The following AGO2 variants were observed in gnomAD, a reference collection of about 807,000 sequenced individuals.
AGO2 encodes the protein protein argonaute-2.
AGO2 carries 5 observed loss-of-function variants against 102.3 expected under a neutral mutation model. The ratio of observed to expected loss-of-function variants is 0.05; its 90% CI spans 0.03 to 0.10. The LOEUF (loss-of-function observed/expected upper bound fraction) is 0.10, where lower values mean the gene tolerates loss of function less well. AGO2 is among the 10% of genes least tolerant of loss of function. AGO2 has a pLI of 1.00. For synonymous variants in AGO2, 449 were observed against 473.1 expected (o/e 0.95, Z 0.66); for missense variants, 541 against 1,183.7 (o/e 0.46, Z 7.97).
In AGO2 at chr8:140,556,149, C is replaced by G; in HGVS notation, c.1146+18G>C. The stretch of plus-strand genomic sequence containing the variant: ...GACTGGATTCCACAGGGCAGCCCTG[C>G]CCGGGACTGACACTCACCAATTTGC... On this transcript the variant is annotated intron_variant, in intron 9 of 18. Transcript: ENST00000220592. 1 of 1,613,962 alleles carries G rather than the reference C, an allele frequency of 6.2e-7. No individual in the cohort carries two copies. Among genetic ancestry groups the G allele is most frequent in the Non-Finnish European group, 8.5e-7 (1 of 1,179,956 alleles).
rs919597458 is a variant in AGO2, at chr8:140,539,752, G to A, written c.2035-298C>T. Among the ~76,000 whole-genome samples, 13 of 152,354 alleles carry A rather than the reference G, an allele frequency of 8.5e-5. No homozygotes were observed. Among genetic ancestry groups the A allele is most frequent in the Admixed American group, 3.9e-4 (6 of 15,306 alleles). ...GCCAGGGATGCAGGCTGGGCTCTGC[G>A]CTGAGAAGGCACATGCAGAGGCCAA... On this transcript the variant is annotated intron_variant, in intron 15 of 18. Transcript: ENST00000220592. The surrounding 1 kb of genome is among the most constrained non-coding windows in gnomAD (Gnocchi z 4.7).
At chr8:140,538,963 G>A (rs1315947828) in intron 16 of AGO2, among the ~76,000 whole-genome samples, 3 of 152,126 alleles carry the variant, frequency 2.0e-5, no homozygotes, top group Non-Finnish European at 2.9e-5. Flanking sequence ...AATTAACCAG[G>A]TGTGGTGGTG....
At chr8:140,546,451 G>A (rs2072902610) in intron 13 of AGO2, among the ~76,000 whole-genome samples, 1 of 152,240 alleles carries the variant, frequency 6.6e-6, no homozygotes, top group Non-Finnish European at 1.5e-5. Context: ...CAGGTGTGAG[G>A]ACACTGTGGT....
chr8:140,600,325 A>C (rs2073913918), intron 1 of AGO2, among the ~76,000 whole-genome samples: 2 of 152,240 alleles, frequency 1.3e-5, no homozygotes, highest in African/African-American at 4.8e-5. Context: ...GCCTTGTGTT[A>C]ACTGTGGCCT....
rs148554700 is a variant in AGO2 at position 140,574,340 on chromosome 8, C to T, written c.216-1408G>A. 3.1e-4 allele frequency among the ~76,000 whole-genome samples: 47 copies of T among 152,266 alleles called. No individual in the cohort carries two copies. The East Asian group carries it at 9.1e-3, about 29-fold the overall frequency. ...ACACTGGCATGATTACTGCTCACTGCAGCCTTGACCTCCCGGGCAGAGGCA... is the reference window on the plus strand; with the variant it reads ...ACACTGGCATGATTACTGCTCACTGTAGCCTTGACCTCCCGGGCAGAGGCA... On this transcript the variant is annotated intron_variant, in intron 2 of 18. Coordinates refer to ENST00000220592, the MANE Select transcript of AGO2 (RefSeq NM_012154.5).
intron 2 of AGO2, among the ~76,000 whole-genome samples, chr8:140,582,910 C>G (rs2133005485): frequency 6.6e-6 from 1 of 152,268 alleles, no homozygotes; most frequent in Admixed American, 6.5e-5. Flanking sequence ...TTTTTAGGTG[C>G]CAATGTGTCT....
Position 140,532,224 on chromosome 8 carries a change from TA to T in AGO2, c.2472-73del, listed in dbSNP as rs2072610435. On this transcript the variant is annotated intron_variant, in intron 18 of 18. Transcript: ENST00000220592. ...CACGATGAGGCAGTGCGTCGATCAC[TA>T]AGTCGGGATGGCATGGCGGGAACCT... 4 of 1,480,134 alleles carry T rather than the reference TA, an allele frequency of 2.7e-6. No individual in the cohort carries two copies. In the Admixed American group the frequency reaches 6.7e-5, roughly 25 times the overall value. The allele number at this position is 1,480,134 out of a possible 1,614,324, so 91.7% of individuals were successfully genotyped here. A position where few individuals can be genotyped will look rare whatever the true frequency, so the allele number is the denominator to read the frequency against.
At chr8:140,535,653 G>T in intron 16 of AGO2, 84 bp from the exon 17 acceptor site, 1 of 1,306,852 alleles carries the variant, frequency 7.7e-7, no homozygotes, top group Non-Finnish European at 1.1e-6. Context: ...GCCGCCCGCT[G>T]GCCAGGGTGC....
chr8:140,631,150 CA>C lies in AGO2; in HGVS notation c.22+4334del, dbSNP rs544426513. On this transcript the variant is annotated intron_variant, in intron 1 of 18. Transcript: ENST00000220592. ...CAGCCCCCCTCAACAAAACGGAGCCCAAAAAACAAAAATTTTGAGCAATGGG... is the reference window on the plus strand; with the variant it reads ...CAGCCCCCCTCAACAAAACGGAGCCCAAAAACAAAAATTTTGAGCAATGGG... Among the ~76,000 whole-genome samples the C allele has an allele frequency of 3.3e-4, 50 of 149,850 alleles. 1 individual carries two copies. The East Asian group carries it at 6.8e-3, about 21-fold the overall frequency.
At chr8:140,630,810 A>C (rs1428730494) in intron 1 of AGO2, among the ~76,000 whole-genome samples, 1 of 152,224 alleles carries the variant, frequency 6.6e-6, no homozygotes, top group African/African-American at 2.4e-5. Context: ...TTCTGCTGCA[A>C]CTGAAAACTC....
At chr8:140,542,213 C>T (rs892757715) in intron 14 of AGO2, among the ~76,000 whole-genome samples, 2 of 152,106 alleles carry the variant, frequency 1.3e-5, no homozygotes, top group African/African-American at 4.8e-5. Flanking sequence ...TAGATCCCCA[C>T]GTGTCGCTCC....
intron 1 of AGO2, among the ~76,000 whole-genome samples, chr8:140,611,219 C>T (rs1388755693): frequency 6.6e-6 from 1 of 152,218 alleles, no homozygotes. Flanking sequence ...AGACGCTGGA[C>T]TCACCACCAC....
intron 17 of AGO2, 93 bp from the exon 18 acceptor site, chr8:140,532,708 C>T (rs2072619454): frequency 1.5e-6 from 2 of 1,357,738 alleles, no homozygotes; most frequent in Middle Eastern, 4.0e-4. Context: ...ATTAAAAATG[C>T]ATCATAGTCT....
chr8:140,582,888 G>A (rs1257066616), intron 2 of AGO2, among the ~76,000 whole-genome samples: 1 of 152,228 alleles, frequency 6.6e-6, no homozygotes, highest in Non-Finnish European at 1.5e-5. Flanking sequence ...GTATAGACTT[G>A]TATGATGCTG....
chr8:140,551,521 CCCCCT>C, intron 10 of AGO2, 85 bp from the exon 11 acceptor site: 2 of 1,353,262 alleles, frequency 1.5e-6, no homozygotes, highest in Non-Finnish European at 1.9e-6. Context: ...CACTGTTGGT[CCCCCT>C]GACCAACAAC....
chr8:140,560,568 C>G, intron 4 of AGO2, 58 bp from the exon 5 acceptor site: 1 of 1,572,218 alleles, frequency 6.4e-7, no homozygotes, highest in Non-Finnish European at 8.7e-7. Context: ...GAAGGAACAG[C>G]TGCCTCTGGG....
chr8:140,614,185 G>T (rs73364305), intron 1 of AGO2, among the ~76,000 whole-genome samples: 1 of 151,966 alleles, frequency 6.6e-6, no homozygotes. Context: ...TTAACTGGGC[G>T]TGGCGTGTGC....
At chr8:140,556,603 G>A (rs750001997) in intron 8 of AGO2, among the ~76,000 whole-genome samples, 5 of 152,174 alleles carry the variant, frequency 3.3e-5, no homozygotes, top group Non-Finnish European at 4.4e-5. Context: ...CGGTGGCTGC[G>A]GGCGTGAAAG....
At chr8:140,636,614 G>A (rs2074411877), upstream of AGO2, 1 of 152,302 alleles carries the variant, frequency 6.6e-6, no homozygotes, top group Admixed American at 6.5e-5. Flanking sequence ...ATAAACAGGA[G>A]TTCTGACTGA....
Sources: allele counts gnomAD v4.1 joint callset (sites outside exome capture counted in the v4.1 genomes callset), GRCh38; gene constraint gnomAD v4.1.1; non-coding constraint Gnocchi (gnomAD v3.1); transcripts MANE v1.5; gene names NCBI Gene and HGNC (gene_info 2026-07-23, HGNC 2026-07-21).